NAV2: variants seen among roughly 807,000 people sequenced by gnomAD.
The protein encoded by NAV2 is helicase, APC down-regulated 1.
In NAV2, 54 loss-of-function variants were observed where a neutral mutation model predicts 223.2. The ratio of observed to expected loss-of-function variants is 0.24; its 90% CI spans 0.19 to 0.30. NAV2 has a LOEUF of 0.30. Ranked by LOEUF, NAV2 falls within the 10% of genes least tolerant of loss-of-function variation. The probability of loss-of-function intolerance (pLI) is 1.00; values close to 1 mark genes in which losing one functional copy is unlikely to be tolerated. For synonymous variants in NAV2, 1,279 were observed against 1,239.3 expected (o/e 1.03, Z -0.67); for missense variants, 2,806 against 3,147.5 (o/e 0.89, Z 2.60).
intron 5 of NAV2, among the ~76,000 whole-genome samples, chr11:19,888,839 C>G (rs2041249713): frequency 6.6e-6 from 1 of 152,176 alleles, no homozygotes; most frequent in Non-Finnish European, 1.5e-5. Flanking sequence ...GCCAGACTTG[C>G]TCTGGGGTCT....
chr11:19,583,086 C>A (rs545446281), intron 1 of NAV2, among the ~76,000 whole-genome samples: 193 of 152,286 alleles, frequency 1.3e-3, no homozygotes, highest in Non-Finnish European at 2.1e-3. Context: ...TTGAAGAGGT[C>A]CTTCACATCC....
intron 1 of NAV2, among the ~76,000 whole-genome samples, chr11:19,807,328 C>T (rs1565350037): frequency 6.6e-6 from 1 of 152,182 alleles, no homozygotes; most frequent in South Asian, 2.1e-4. Context: ...CCTCCACCCT[C>T]ACCTTCCTGC....
chr11:19,977,151 C>G (rs553162974), intron 10 of NAV2, among the ~76,000 whole-genome samples: 1 of 152,302 alleles, frequency 6.6e-6, no homozygotes, highest in South Asian at 2.1e-4. Context: ...AGCATTCCCC[C>G]AAAGGCATGA....
chr11:19,422,495 G>A (rs1015702395), intron 1 of NAV2, among the ~76,000 whole-genome samples: 2 of 152,182 alleles, frequency 1.3e-5, no homozygotes, highest in African/African-American at 4.8e-5. Flanking sequence ...AGCGTGGCTG[G>A]TCTGCACAGG....
intron 1 of NAV2, among the ~76,000 whole-genome samples, chr11:19,787,567 T>A (rs1234140906): frequency 6.6e-6 from 1 of 152,182 alleles, no homozygotes; most frequent in Non-Finnish European, 1.5e-5. Context: ...GCAAGTTGTT[T>A]AATTTGTCTG....
At chr11:20,023,221 G>A (rs541724111) in intron 11 of NAV2, 268 of 1,319,952 alleles carry the variant, frequency 2.0e-4, no homozygotes, top group Non-Finnish European at 2.7e-4. Flanking sequence ...TGAAAAGCCT[G>A]GTGGAGCAGC....
At chr11:20,013,472 A>G (rs866248311) in intron 11 of NAV2, among the ~76,000 whole-genome samples, 38 of 23,090 alleles carry the variant, frequency 1.6e-3, no homozygotes, top group South Asian at 2.6e-3. Flanking sequence ...CTCTTTGCCA[A>G]ACTTTTTTTT....
intron 1 of NAV2, among the ~76,000 whole-genome samples, chr11:19,407,450 T>C (rs1475841633): frequency 3.3e-5 from 5 of 152,162 alleles, no homozygotes; most frequent in Non-Finnish European, 1.5e-5. Flanking sequence ...CCTACAGATA[T>C]AGCCCGAGGG....
At chr11:20,056,286 C>T (rs2058360237) in intron 19 of NAV2, among the ~76,000 whole-genome samples, 1 of 152,238 alleles carries the variant, frequency 6.6e-6, no homozygotes, top group Non-Finnish European at 1.5e-5. Context: ...CCTTGAGGCT[C>T]AGCCACCGGC....
At chr11:19,758,522 C>T (rs1358182833) in intron 1 of NAV2, among the ~76,000 whole-genome samples, 3 of 152,058 alleles carry the variant, frequency 2.0e-5, no homozygotes, top group African/African-American at 4.8e-5. Context: ...AGAGGCAGTG[C>T]GGGGGACCAG....
chr11:19,485,684 A>G (rs1234423471), intron 1 of NAV2, among the ~76,000 whole-genome samples: 1 of 152,108 alleles, frequency 6.6e-6, no homozygotes, highest in Non-Finnish European at 1.5e-5. Context: ...TTGAAAGGAC[A>G]GTAAGAGGTA....
At chr11:19,656,462 G>A (rs199671855) in intron 1 of NAV2, among the ~76,000 whole-genome samples, 1 of 152,214 alleles carries the variant, frequency 6.6e-6, no homozygotes, top group Non-Finnish European at 1.5e-5. Flanking sequence ...GTGAGTGAGG[G>A]GGGAGAGGCA....
intron 1 of NAV2, among the ~76,000 whole-genome samples, chr11:19,824,802 T>A (rs1050724682): frequency 1.3e-5 from 2 of 152,202 alleles, no homozygotes; most frequent in Admixed American, 1.3e-4. Context: ...CAGGAATGAA[T>A]GTGTCACCAG....
chr11:19,887,474 A>G (rs1050944567), intron 5 of NAV2, among the ~76,000 whole-genome samples: 11 of 152,128 alleles, frequency 7.2e-5, no homozygotes, highest in Non-Finnish European at 1.3e-4. Context: ...TTTGATCTCT[A>G]TGAGCCTGGG....
chr11:19,826,259 C>T (rs2059636482), intron 1 of NAV2, among the ~76,000 whole-genome samples: 1 of 152,184 alleles, frequency 6.6e-6, no homozygotes, highest in African/African-American at 2.4e-5. Flanking sequence ...AATCAATGGG[C>T]TCCTGGGGAA....
chr11:19,925,926 A>G (rs757489333), intron 6 of NAV2, among the ~76,000 whole-genome samples: 11 of 152,142 alleles, frequency 7.2e-5, no homozygotes, highest in Admixed American at 1.3e-4. Flanking sequence ...AGTCTAGTCC[A>G]CTGGTCTATA....
intron 19 of NAV2, among the ~76,000 whole-genome samples, chr11:20,061,695 G>A (rs530830046): frequency 6.6e-5 from 10 of 152,218 alleles, no homozygotes; most frequent in Admixed American, 2.6e-4. Context: ...TCATCACTTT[G>A]TAGACATGAT....
intron 11 of NAV2, among the ~76,000 whole-genome samples, chr11:20,023,699 G>GTGTGTGTGT (rs2054741738): frequency 6.9e-6 from 1 of 144,572 alleles, no homozygotes; most frequent in African/African-American, 2.6e-5. Context: ...CAAATTGCTG[G>GTGTGTGTGT]GTGTGTGTGT....
chr11:19,802,501 T>A (rs1233765445), intron 1 of NAV2, among the ~76,000 whole-genome samples: 1 of 152,188 alleles, frequency 6.6e-6, no homozygotes, highest in Admixed American at 6.5e-5. Flanking sequence ...ATCTTTTAAA[T>A]AAGTTAATGT....
Sources: allele counts gnomAD v4.1 joint callset (sites outside exome capture counted in the v4.1 genomes callset), GRCh38; gene constraint gnomAD v4.1.1; transcripts MANE v1.5; gene names NCBI Gene and HGNC (gene_info 2026-07-23, HGNC 2026-07-21).